Variants in HBS1L observed in about 807,000 individuals in gnomAD.
HBS1L encodes the protein HBS1 like translational GTPase, also known as HBS1-like protein.
A neutral mutation model predicts 88.9 loss-of-function variants in HBS1L; 55 were observed. The ratio of observed to expected loss-of-function variants is 0.62; its 90% CI spans 0.50 to 0.77. The LOEUF (loss-of-function observed/expected upper bound fraction) is 0.77. Ranked by LOEUF, HBS1L falls within the 30% of genes least tolerant of loss-of-function variation. The pLI, the probability that HBS1L is intolerant of heterozygous loss-of-function variation, is 0.00. For missense variants in HBS1L, 741 were observed against 829.3 expected, an observed-to-expected ratio of 0.89 and a Z score of 1.31; for synonymous variants, 267 against 288.5, an observed-to-expected ratio of 0.93 and a Z score of 0.76.
At chr6:135,022,109 C>A (rs1046432364) in intron 4 of HBS1L, among the ~76,000 whole-genome samples, 12 of 152,014 alleles carry the variant, frequency 7.9e-5, no homozygotes, top group Admixed American at 2.0e-4. Flanking sequence ...GCACGTTTTT[C>A]TAATTTAAAA....
chr6:134,983,344 G>A (rs1774887213), intron 12 of HBS1L: 1 of 152,248 alleles, frequency 6.6e-6, no homozygotes, highest in Middle Eastern at 3.4e-3. Flanking sequence ...TGGTATTTCT[G>A]TCTTAGAGTA....
chr6:134,966,925 T>C (rs1262704313), intron 16 of HBS1L, among the ~76,000 whole-genome samples: 3 of 147,406 alleles, frequency 2.0e-5, no homozygotes, highest in African/African-American at 8.1e-5. Context: ...TTATGGAATG[T>C]GTATTAGGAA....
At chr6:134,978,636 T>C (rs758192329) in intron 15 of HBS1L, 43 bp downstream of exon 15, 3 of 1,106,732 alleles carry the variant, frequency 2.7e-6, no homozygotes, top group Admixed American at 2.2e-5. Context: ...AAAGTTACTT[T>C]GAATTTATAA....
At chr6:135,052,902 CTCT>C (rs1019645726) in intron 1 of HBS1L, among the ~76,000 whole-genome samples, 3 of 152,188 alleles carry the variant, frequency 2.0e-5, no homozygotes, top group Non-Finnish European at 4.4e-5. Context: ...AGAACACAAA[CTCT>C]CTCTAATGAG....
At chr6:135,007,710 A>C (rs189723535) in intron 4 of HBS1L, among the ~76,000 whole-genome samples, 8 of 152,206 alleles carry the variant, frequency 5.3e-5, no homozygotes, top group Admixed American at 6.5e-5. Flanking sequence ...TCAATAAGAG[A>C]TACATATATA....
intron 8 of HBS1L, among the ~76,000 whole-genome samples, chr6:134,990,330 T>G (rs996220882): frequency 1.3e-5 from 2 of 152,232 alleles, no homozygotes; most frequent in African/African-American, 4.8e-5. Flanking sequence ...ATATCTTCTC[T>G]GTTCTTGCAG....
At position 135,039,653 on chromosome 6, in the gene HBS1L, G is replaced by C. The variant is rs201583429; in HGVS notation, c.350C>G (p.Ser117Ter). The stretch of plus-strand genomic sequence containing the variant: ...CACTCTATCTTGTTCCAGAACCCCT[G>C]ACAAAGCCTTCTGCACATCAAACTT... ...KNKFDVQKAL[S>*]GVLEQDRVQS... The change falls in exon 4 of 18, where the codon TCA becomes TGA. Residue 117 changes from serine (S) to a stop codon, truncating the protein, a stop_gained. Transcript: ENST00000367837. LOFTEE classifies it high-confidence loss of function. 6.2e-7 allele frequency: 1 copy of C among 1,614,038 alleles called. No individual in the cohort carries two copies. Among genetic ancestry groups the C allele is most frequent in the African/African-American group, 1.3e-5 (1 of 75,038 alleles).
intron 4 of HBS1L, chr6:135,038,032 C>A: frequency 6.8e-7 from 1 of 1,474,354 alleles, no homozygotes; most frequent in South Asian, 1.4e-5. Flanking sequence ...GACTCCTTAC[C>A]TTACAAGAGC....
chr6:134,984,808 G>C (rs1774933085), intron 12 of HBS1L, among the ~76,000 whole-genome samples: 3 of 152,016 alleles, frequency 2.0e-5, no homozygotes, highest in Admixed American at 2.0e-4. Flanking sequence ...TAAAGTTTCT[G>C]TATATCTTTT....
intron 15 of HBS1L, among the ~76,000 whole-genome samples, chr6:134,971,172 A>G (rs907336934): frequency 6.6e-6 from 1 of 152,126 alleles, no homozygotes; most frequent in African/African-American, 2.4e-5. Context: ...TTATTTTTCA[A>G]TGGCATTTGA....
intron 6 of HBS1L, 64 bp downstream of exon 6, chr6:134,997,333 C>A: frequency 6.3e-7 from 1 of 1,587,708 alleles, no homozygotes; most frequent in Non-Finnish European, 8.6e-7. Flanking sequence ...TTCCATGCTG[C>A]CTCCAGACAG....
intron 4 of HBS1L, chr6:135,037,567 G>A (rs922869128): frequency 6.5e-7 from 1 of 1,549,126 alleles, no homozygotes; most frequent in Non-Finnish European, 8.7e-7. Context: ...AATATATAAA[G>A]AATTATTCGG....
chr6:135,051,411 T>C (rs1418917151), intron 1 of HBS1L, among the ~76,000 whole-genome samples: 1 of 152,162 alleles, frequency 6.6e-6, no homozygotes, highest in African/African-American at 2.4e-5. Flanking sequence ...GTAACATCTA[T>C]ACAAACCAAC....
chr6:134,982,658 CTAG>C, intron 12 of HBS1L, 96 bp from the exon 13 acceptor site: 2 of 580,068 alleles, frequency 3.4e-6, no homozygotes, highest in Non-Finnish European at 6.1e-6. Context: ...TCATATAAAA[CTAG>C]TAGTTCAATG....
intron 4 of HBS1L, chr6:135,037,753 G>C: frequency 6.4e-7 from 1 of 1,550,766 alleles, no homozygotes; most frequent in Non-Finnish European, 8.7e-7. Flanking sequence ...ACTTTCACAG[G>C]AATCTCTTGA....
chr6:135,038,650 C>T (rs2114900443), intron 4 of HBS1L, among the ~76,000 whole-genome samples: 1 of 152,252 alleles, frequency 6.6e-6, no homozygotes, highest in Admixed American at 6.5e-5. Flanking sequence ...ACATAGTAAA[C>T]AAATCGCCAT....
chr6:135,002,691 T>C (rs2114816182), intron 5 of HBS1L, 43 bp downstream of exon 5: 2 of 949,880 alleles, frequency 2.1e-6, no homozygotes, highest in South Asian at 1.3e-5. Context: ...TTTCAAAAAC[T>C]TGGGGGTGGG....
At chr6:135,039,437 C>G (rs1776658791) in intron 4 of HBS1L, 136 bp downstream of exon 4, 1 of 700,520 alleles carries the variant, frequency 1.4e-6, no homozygotes, top group Non-Finnish European at 2.4e-6. Context: ...AACTGATAAT[C>G]AAAAGTTAAC....
At chr6:135,006,148 A>C (rs917101098) in intron 4 of HBS1L, among the ~76,000 whole-genome samples, 2 of 152,244 alleles carry the variant, frequency 1.3e-5, no homozygotes, top group African/African-American at 4.8e-5. Context: ...TCCAACAGGT[A>C]TAAGAAGAAA....
Sources: allele counts gnomAD v4.1 joint callset (sites outside exome capture counted in the v4.1 genomes callset), GRCh38; gene constraint gnomAD v4.1.1; transcripts MANE v1.5; gene names NCBI Gene and HGNC (gene_info 2026-07-23, HGNC 2026-07-21).